MAST4: variants seen among roughly 807,000 people sequenced by gnomAD.
MAST4 encodes the protein microtubule-associated serine/threonine-protein kinase 4.
In MAST4, 89 loss-of-function variants were observed where a neutral mutation model predicts 162.7. The ratio of observed to expected loss-of-function variants is 0.55; its 90% CI spans 0.46 to 0.65. MAST4 has a LOEUF of 0.65. MAST4 is among the 30% of genes least tolerant of loss of function. MAST4 has a pLI of 0.00. For synonymous variants in MAST4, 1,479 were observed against 1,361.1 expected, an observed-to-expected ratio of 1.09 and a Z score of -1.91; for missense variants, 3,153 against 3,374.0, an observed-to-expected ratio of 0.93 and a Z score of 1.62.
chr5:66,897,439 T>G (rs1314913120), intron 3 of MAST4, among the ~76,000 whole-genome samples: 1 of 152,196 alleles, frequency 6.6e-6, no homozygotes, highest in East Asian at 1.9e-4. Context: ...GTGGCCCTCA[T>G]CCATTAGGGC....
intron 4 of MAST4, among the ~76,000 whole-genome samples, chr5:66,970,762 T>A (rs1747332698): frequency 6.6e-6 from 1 of 152,240 alleles, no homozygotes; most frequent in Admixed American, 6.5e-5. Flanking sequence ...TTCTTAGTGC[T>A]GCACGTATGT....
intron 4 of MAST4, among the ~76,000 whole-genome samples, chr5:67,048,946 C>G (rs1455823544): frequency 6.9e-6 from 1 of 145,910 alleles, no homozygotes; most frequent in Non-Finnish European, 1.5e-5. Flanking sequence ...GAAGCACACA[C>G]ATATAGTGTG....
intron 11 of MAST4, among the ~76,000 whole-genome samples, chr5:67,113,174 C>T (rs879658036): frequency 4.6e-5 from 7 of 151,656 alleles, no homozygotes; most frequent in Admixed American, 1.3e-4. Flanking sequence ...ATTAGCCGGG[C>T]GTGGTGGTGG....
chr5:67,099,978 G>T (rs1348737100), intron 7 of MAST4, among the ~76,000 whole-genome samples: 2 of 152,170 alleles, frequency 1.3e-5, no homozygotes, highest in Non-Finnish European at 2.9e-5. Flanking sequence ...ATTGTAAAGA[G>T]AGGTTTCATT....
chr5:66,767,752 T>C (rs1353643740), intron 2 of MAST4, among the ~76,000 whole-genome samples: 1 of 152,072 alleles, frequency 6.6e-6, no homozygotes, highest in Admixed American at 6.5e-5. Flanking sequence ...AGTCTGATGT[T>C]TGAGGGCTCC....
At chr5:66,755,517 A>G (rs769269667) in intron 1 of MAST4, among the ~76,000 whole-genome samples, 1 of 152,232 alleles carries the variant, frequency 6.6e-6, no homozygotes, top group Non-Finnish European at 1.5e-5. Context: ...ACTAGGGCAT[A>G]TAGCCGTAGA....
chr5:67,032,575 A>T (rs951685077), intron 4 of MAST4, among the ~76,000 whole-genome samples: 12 of 152,002 alleles, frequency 7.9e-5, no homozygotes, highest in African/African-American at 2.9e-4. Context: ...ATTTTGGGGG[A>T]GGGCAGAATT....
intron 4 of MAST4, among the ~76,000 whole-genome samples, chr5:66,931,249 A>G (rs1052221371): frequency 4.6e-5 from 7 of 152,142 alleles, no homozygotes; most frequent in Non-Finnish European, 8.8e-5. Flanking sequence ...GAATATGTTT[A>G]TCCTTATTTT....
chr5:67,008,129 C>G (rs1003602746), intron 4 of MAST4, among the ~76,000 whole-genome samples: 2 of 152,228 alleles, frequency 1.3e-5, no homozygotes, highest in African/African-American at 4.8e-5. Context: ...CCTCCTCTCC[C>G]TTCCCCTCAT....
chr5:66,713,449 A>T, intron 1 of MAST4, among the ~76,000 whole-genome samples: 1 of 152,190 alleles, frequency 6.6e-6, no homozygotes, highest in Admixed American at 6.5e-5. Flanking sequence ...TGAGCTCTAT[A>T]ATTACTTCAC....
intron 26 of MAST4, among the ~76,000 whole-genome samples, chr5:67,154,544 C>T (rs951776255): frequency 6.6e-6 from 1 of 152,242 alleles, no homozygotes; most frequent in African/African-American, 2.4e-5. Context: ...CTAGAGGACT[C>T]TGGCAAGGTC....
At chr5:67,088,175 A>G in intron 5 of MAST4, among the ~76,000 whole-genome samples, 1 of 152,210 alleles carries the variant, frequency 6.6e-6, no homozygotes, top group East Asian at 1.9e-4. Flanking sequence ...ATTAAAAAAT[A>G]TATATTAATA....
chr5:66,999,858 A>G (rs1751083791), intron 4 of MAST4, among the ~76,000 whole-genome samples: 1 of 152,184 alleles, frequency 6.6e-6, no homozygotes, highest in Non-Finnish European at 1.5e-5. Flanking sequence ...AGTTTTCAGC[A>G]TTCAGGCCTA....
At chr5:66,982,194 G>T (rs1748942475) in intron 4 of MAST4, among the ~76,000 whole-genome samples, 1 of 152,132 alleles carries the variant, frequency 6.6e-6, no homozygotes, top group Admixed American at 6.5e-5. Context: ...GCTTTCTGTA[G>T]GTGACATGTT....
intron 3 of MAST4, among the ~76,000 whole-genome samples, chr5:66,854,096 C>T (rs925425874): frequency 2.0e-5 from 3 of 152,030 alleles, no homozygotes; most frequent in African/African-American, 7.3e-5. Flanking sequence ...TCATATTGCC[C>T]AGGCTGGTCT....
intron 4 of MAST4, among the ~76,000 whole-genome samples, chr5:66,910,741 CTTTTTTTTTTTTTCTT>C (rs1235972348): frequency 1.5e-4 from 3 of 20,096 alleles, no homozygotes; most frequent in Non-Finnish European, 4.7e-4. Context: ...TTTTTTTTTT[CTTTTTTTTTTTTTCTT>C]TTTTTTTTTT....
At chr5:66,902,168 G>T (rs962332302) in intron 4 of MAST4, among the ~76,000 whole-genome samples, 9 of 151,992 alleles carry the variant, frequency 5.9e-5, no homozygotes, top group African/African-American at 2.2e-4. Flanking sequence ...TTTTGTTGTT[G>T]TTCCATATTA....
chr5:66,801,065 C>G (rs1192119897), intron 3 of MAST4, among the ~76,000 whole-genome samples: 2 of 152,064 alleles, frequency 1.3e-5, no homozygotes, highest in Non-Finnish European at 2.9e-5. Flanking sequence ...TTAGAAGATG[C>G]CTTTTGGGCC....
At chr5:66,865,679 T>C (rs1760460587) in intron 3 of MAST4, among the ~76,000 whole-genome samples, 1 of 152,230 alleles carries the variant, frequency 6.6e-6, no homozygotes, top group African/African-American at 2.4e-5. Context: ...ATGAGCTCCC[T>C]AGCCCTGTCT....
Sources: allele counts gnomAD v4.1 joint callset (sites outside exome capture counted in the v4.1 genomes callset), GRCh38; gene constraint gnomAD v4.1.1; transcripts MANE v1.5; gene names NCBI Gene and HGNC (gene_info 2026-07-23, HGNC 2026-07-21).